Variants in CYP2R1 observed in about 807,000 individuals in gnomAD.
The protein encoded by CYP2R1 is vitamin D 25-hydroxylase.
A neutral mutation model predicts 45.7 loss-of-function variants in CYP2R1; 40 were observed. That is an observed-to-expected ratio of 0.87 (90% CI 0.68 to 1.14). The LOEUF is 1.14. Among genes scored for constraint, CYP2R1 ranks in the 50% most tolerant of loss-of-function variants. CYP2R1 has a pLI of 0.00. For missense variants in CYP2R1, 605 were observed against 602.6 expected, an observed-to-expected ratio of 1.00 and a Z score of -0.04; for synonymous variants, 234 against 219.3, an observed-to-expected ratio of 1.07 and a Z score of -0.59.
At position 14,878,303 on chromosome 11, in the gene CYP2R1, CA is replaced by C; in HGVS notation, c.1331-7del. 6.2e-7 allele frequency: 1 copy of C among 1,612,174 alleles called. No individual in the cohort carries two copies. Among genetic ancestry groups the C allele is most frequent in the East Asian group, 2.2e-5 (1 of 44,850 alleles). ...TCCAAGACAATGTCTTCTTCCTAAA[CA>C]GAAAAAGCAGATACAATAATTTTTT... On this transcript the variant is annotated splice_region_variant and splice_polypyrimidine_tract_variant and intron_variant, in intron 4 of 4. Coordinates refer to ENST00000334636, the MANE Select transcript of CYP2R1 (RefSeq NM_024514.5).
At chr11:14,892,259 C>T (rs1489773069), upstream of CYP2R1, 1 of 1,532,788 alleles carries the variant, frequency 6.5e-7, no homozygotes, top group South Asian at 1.2e-5. Flanking sequence ...CAGGCACTCC[C>T]TCCAGCCCTG....
At chr11:14,881,497 CATT>C (rs1422782396) in intron 2 of CYP2R1, among the ~76,000 whole-genome samples, 1 of 152,098 alleles carries the variant, frequency 6.6e-6, no homozygotes, top group East Asian at 1.9e-4. Flanking sequence ...AAATTTCACT[CATT>C]ACTGGGACAC....
chr11:14,879,653 C>CA (rs1299711886), intron 3 of CYP2R1, among the ~76,000 whole-genome samples: 2 of 150,916 alleles, frequency 1.3e-5, no homozygotes, highest in Non-Finnish European at 2.9e-5. Context: ...TAACCTATAA[C>CA]AAGCCAATAG....
intron 2 of CYP2R1, 38 bp downstream of exon 2, chr11:14,885,738 A>G (rs1303053880): frequency 6.3e-7 from 1 of 1,592,724 alleles, no homozygotes; most frequent in South Asian, 1.1e-5. Context: ...GATTTAAAAT[A>G]TCTTAGTAAA....
chr11:14,890,123 G>A (rs1348483986), intron 1 of CYP2R1, among the ~76,000 whole-genome samples: 2 of 151,684 alleles, frequency 1.3e-5, no homozygotes, highest in Non-Finnish European at 1.5e-5. Context: ...AGCAAGACTC[G>A]TCTCAAATAA....
intron 2 of CYP2R1, among the ~76,000 whole-genome samples, chr11:14,882,947 A>G (rs1210667669): frequency 6.6e-5 from 10 of 152,234 alleles, no homozygotes; most frequent in Admixed American, 1.3e-4. Flanking sequence ...CTTCAAAGAG[A>G]ATAAAATACC....
upstream of CYP2R1, among the ~76,000 whole-genome samples, chr11:14,892,441 T>C (rs1241683073): frequency 6.6e-6 from 1 of 152,212 alleles, no homozygotes; most frequent in Non-Finnish European, 1.5e-5. Flanking sequence ...GGCGCGGCTC[T>C]AGGCGGAGCA....
At chr11:14,890,782 T>A in intron 1 of CYP2R1, 1 of 768,848 alleles carries the variant, frequency 1.3e-6, no homozygotes, top group Non-Finnish European at 1.6e-6. Flanking sequence ...TCTCCTGATT[T>A]CGTGATCCGC....
At chr11:14,885,225 GCTTT>G (rs2134060846) in intron 2 of CYP2R1, among the ~76,000 whole-genome samples, 1 of 152,214 alleles carries the variant, frequency 6.6e-6, no homozygotes, top group Admixed American at 6.5e-5. Context: ...GTCTGTTGCT[GCTTT>G]CTTCTTACCG....
intron 2 of CYP2R1, among the ~76,000 whole-genome samples, chr11:14,882,937 C>T (rs1179940388): frequency 2.0e-5 from 3 of 152,046 alleles, no homozygotes; most frequent in African/African-American, 7.2e-5. Flanking sequence ...TTCACAATTG[C>T]TTCAAAGAGA....
At chr11:14,890,537 C>CCTT (rs1848798884) in intron 1 of CYP2R1, 1 of 64,276 alleles carries the variant, frequency 1.6e-5, no homozygotes, top group African/African-American at 6.8e-5. Context: ...TAGACCAATT[C>CCTT]TTTTTTTTTT....
Position 14,892,140 on chromosome 11 carries a change from G to C in CYP2R1, c.66C>G (p.Leu22=). The change falls in exon 1 of 5, where the codon CTC becomes CTG. Residue 22 remains leucine (L), a synonymous_variant. Coordinates refer to ENST00000334636, the MANE Select transcript of CYP2R1 (RefSeq NM_024514.5). ...AALGGALFLL[L]FALGVRQLLK... ...GCAGCTGGCGGACCCCTAGCGCGAA[G>C]AGCAGCAGGAAGAGCGCGCCGCCGA... 6.2e-7 allele frequency: 1 copy of C among 1,611,410 alleles called. No homozygotes were observed. Among genetic ancestry groups the C allele is most frequent in the Non-Finnish European group, 8.5e-7 (1 of 1,179,750 alleles).
intron 2 of CYP2R1, among the ~76,000 whole-genome samples, chr11:14,885,427 T>C (rs1848576499): frequency 6.6e-6 from 1 of 152,150 alleles, no homozygotes; most frequent in African/African-American, 2.4e-5. Context: ...ATAGTAAAAA[T>C]GTCACCAAGT....
rs1341069650 is a variant in CYP2R1, at chr11:14,878,999, TTTTTAGAATTGGGATATTTAA to T, written c.1330+94_1330+114del. 3 of 858,142 alleles carry T rather than the reference TTTTTAGAATTGGGATATTTAA, an allele frequency of 3.5e-6. No individual in the cohort carries two copies. The African/African-American group carries it at 5.1e-5, about 15-fold the overall frequency. The allele number at this position is 858,142 out of a possible 1,614,324, so 53.2% of individuals were successfully genotyped here. A position where few individuals can be genotyped will look rare whatever the true frequency, so the allele number is the denominator to read the frequency against. On this transcript the variant is annotated intron_variant, in intron 4 of 4. Transcript: ENST00000334636. ...CTCTCCTGTTAGAATCAGTTCTGTG[TTTTTAGAATTGGGATATTTAA>T]TTCTATAGAAGGATGCTTCAGATTA...
intron 2 of CYP2R1, among the ~76,000 whole-genome samples, chr11:14,882,466 A>G (rs1848427592): frequency 6.6e-6 from 1 of 152,130 alleles, no homozygotes; most frequent in Non-Finnish European, 1.5e-5. Flanking sequence ...ATATGTGCAC[A>G]TGGGATATAT....
At chr11:14,888,957 A>C (rs565880668) in intron 1 of CYP2R1, among the ~76,000 whole-genome samples, 110 of 152,330 alleles carry the variant, frequency 7.2e-4, no homozygotes, top group African/African-American at 2.5e-3. Flanking sequence ...TACTGCAGAA[A>C]TTTAAACATT....
intron 1 of CYP2R1, among the ~76,000 whole-genome samples, chr11:14,889,574 C>T (rs562206438): frequency 1.3e-5 from 2 of 152,118 alleles, no homozygotes; most frequent in East Asian, 3.9e-4. Flanking sequence ...ACAGTTTGGC[C>T]CTATTTCATT....
At chr11:14,890,335 A>T in intron 1 of CYP2R1, 1 of 310,840 alleles carries the variant, frequency 3.2e-6, no homozygotes, top group Non-Finnish European at 4.7e-6. Context: ...GTACCAAGAT[A>T]CCAAAGAGAT....
chr11:14,890,156 T>C (rs144052347), intron 1 of CYP2R1, among the ~76,000 whole-genome samples: 47 of 151,702 alleles, frequency 3.1e-4, no homozygotes, highest in African/African-American at 1.1e-3. Context: ...ACTAATAACA[T>C]ACACAATAAC....
Sources: gnomAD v4.1 joint callset for allele counts (sites outside exome capture counted in the v4.1 genomes callset) on GRCh38, gnomAD v4.1.1 for gene constraint, MANE v1.5 for transcripts, NCBI Gene and HGNC (gene_info 2026-07-23, HGNC 2026-07-21) for gene names.